The following GRK4 variants were observed in gnomAD, a reference collection of about 807,000 sequenced individuals.
The protein encoded by GRK4 is G protein-coupled receptor kinase 2-like.
GRK4 carries 73 observed loss-of-function variants against 77.9 expected under a neutral mutation model. That is an observed-to-expected ratio of 0.94 (90% CI 0.78 to 1.14). The LOEUF (loss-of-function observed/expected upper bound fraction) is 1.14. Ranked by LOEUF, GRK4 falls within the 50% of genes most tolerant of loss-of-function variation. The pLI, the probability that GRK4 is intolerant of heterozygous loss-of-function variation, is 0.00. For missense variants in GRK4, 729 were observed against 700.2 expected (o/e 1.04, Z -0.46); for synonymous variants, 257 against 254.4 (o/e 1.01, Z -0.10).
chr4:3,013,624 C>T (rs765563753), intron 7 of GRK4, 64 bp from the exon 8 acceptor site: 312 of 1,549,036 alleles, frequency 2.0e-4, no homozygotes, highest in Non-Finnish European at 3.6e-5. Context: ...CAAAGAGCTT[C>T]CTTTGTGTGG....
chr4:3,007,796 T>C lies in GRK4; in HGVS notation c.504T>C (p.Phe168=). The C allele has an allele frequency of 6.2e-7, 1 of 1,612,104 alleles. No individual in the cohort carries two copies. The highest frequency in any genetic ancestry group is 1.3e-5 in the African/African-American group (1 of 75,018). ...AAGAATACCAAGAAAGCTCATATTT[T>C]TCTCAGTTTTTACAATGGAAATGGC... is the stretch of plus-strand genomic sequence containing the variant. The part of the protein sequence containing the change: ...PFEEYQESSY[F]SQFLQWKWLE... Residue 168 remains phenylalanine, a synonymous_variant, in exon 6 of 16, where the codon TTT becomes TTC. Transcript: ENST00000398052.
chr4:3,011,277 T>A (rs1416382779), intron 7 of GRK4, among the ~76,000 whole-genome samples: 3 of 152,172 alleles, frequency 2.0e-5, no homozygotes, highest in Non-Finnish European at 4.4e-5. Flanking sequence ...TTAGCAAATT[T>A]TAGCTATTGT....
chr4:3,039,835 A>G (rs1056572681), intron 15 of GRK4, among the ~76,000 whole-genome samples: 5 of 152,058 alleles, frequency 3.3e-5, no homozygotes, highest in African/African-American at 1.2e-4. Context: ...CCTGACCCTC[A>G]GTGTGTAGCC....
intron 4 of GRK4, among the ~76,000 whole-genome samples, chr4:2,998,284 G>A (rs1268877881): frequency 6.6e-6 from 1 of 152,022 alleles, no homozygotes; most frequent in African/African-American, 2.4e-5. Context: ...TTGAACCCGG[G>A]AGGAGGAGGT....
chr4:3,023,193 G>T (rs1736546911), intron 10 of GRK4, among the ~76,000 whole-genome samples: 1 of 152,202 alleles, frequency 6.6e-6, no homozygotes, highest in African/African-American at 2.4e-5. Context: ...ATAGTGGACA[G>T]GGAGTGGCCC....
In GRK4 at chr4:3,007,798, C is replaced by G. The variant is rs376458817; in HGVS notation, c.506C>G (p.Ser169Cys). 1.7e-5 allele frequency: 28 copies of G among 1,611,710 alleles called. No individual in the cohort carries two copies. Among genetic ancestry groups the G allele is most frequent in the Non-Finnish European group, 2.3e-5 (27 of 1,178,948 alleles). ...GAATACCAAGAAAGCTCATATTTTT[C>G]TCAGTTTTTACAATGGAAATGGCTG... is the stretch of plus-strand genomic sequence containing the variant. Reference protein sequence around the residue: ...FEEYQESSYFSQFLQWKWLER... With the variant: ...FEEYQESSYFCQFLQWKWLER... The change falls in exon 6 of 16, where the codon TCT (serine) becomes TGT (cysteine). Residue 169 changes from serine (S) to cysteine (C), a missense_variant. Transcript: ENST00000398052.
At chr4:3,024,063 G>C (rs1560480776) in intron 10 of GRK4, among the ~76,000 whole-genome samples, 1 of 152,248 alleles carries the variant, frequency 6.6e-6, no homozygotes, top group South Asian at 2.1e-4. Context: ...TTTGAGCTGA[G>C]CTGTCTTTCC....
At chr4:2,996,581 G>C (rs1727993687) in intron 4 of GRK4, among the ~76,000 whole-genome samples, 1 of 152,078 alleles carries the variant, frequency 6.6e-6, no homozygotes, top group South Asian at 2.1e-4. Flanking sequence ...CCTCTTAATG[G>C]TCCTACCTCC....
rs2071691 is a variant in GRK4 at position 3,037,071 on chromosome 4, A to G, written c.1408-303A>G. ...TGTGTGTGTGTGTGTGTGTGTGTGT[A>G]TGTGTGTGTGTATGTGTGTGTGTGT... On this transcript the variant is annotated intron_variant, in intron 13 of 15. Coordinates refer to ENST00000398052, the MANE Select transcript of GRK4 (RefSeq NM_182982.3). Among the ~76,000 whole-genome samples the G allele has an allele frequency of 9.7e-3, 722 of 74,328 alleles. 2 individuals are homozygous for G. The highest frequency in any genetic ancestry group is 0.024 in the African/African-American group (405 of 17,076). The allele number at this position is 74,328 out of a possible 152,430, so 48.8% of individuals were successfully genotyped here.
At chr4:2,965,555 C>T (rs1452293498) in intron 1 of GRK4, 2 of 669,126 alleles carry the variant, frequency 3.0e-6, no homozygotes, top group Non-Finnish European at 5.5e-6. Context: ...ATTTAAAGGA[C>T]AGTCTGGAGC....
chr4:3,019,758 C>T lies in GRK4; in HGVS notation c.859C>T (p.Gln287Ter), dbSNP rs1735557806. The T allele has an allele frequency of 1.2e-6, 2 of 1,614,126 alleles. No individual in the cohort carries two copies. The highest frequency in any genetic ancestry group is 1.1e-5 in the South Asian group (1 of 91,082). The change falls in exon 9 of 16, where the codon CAG (glutamine) becomes TAG (stop). Residue 287 changes from glutamine to a stop codon, truncating the protein, a stop_gained. Transcript: ENST00000398052. LOFTEE classifies it high-confidence loss of function. ...CCTGGGCAATCCCGGCTTTGATGAG[C>T]AGAGAGCCGTTTTCTATGCTGCAGA... ...YNLGNPGFDE[Q>*]RAVFYAAELC...
At chr4:2,999,595 G>A (rs887077382) in intron 4 of GRK4, among the ~76,000 whole-genome samples, 1 of 152,090 alleles carries the variant, frequency 6.6e-6, no homozygotes, top group African/African-American at 2.4e-5. Flanking sequence ...AGAATCACAC[G>A]GAAGCCCTAC....
intron 12 of GRK4, among the ~76,000 whole-genome samples, chr4:3,033,327 G>T (rs1025905273): frequency 1.3e-5 from 2 of 152,190 alleles, no homozygotes; most frequent in African/African-American, 4.8e-5. Context: ...TTTTCTAATG[G>T]CAGGAATCCC....
intron 11 of GRK4, 139 bp downstream of exon 11, chr4:3,028,140 C>G (rs933855906): frequency 1.4e-6 from 1 of 712,910 alleles, no homozygotes; most frequent in African/African-American, 1.8e-5. Context: ...TTTTGAATCT[C>G]TAACCTGTCA....
chr4:3,019,976 A>G (rs945356953), intron 9 of GRK4, 145 bp downstream of exon 9: 2 of 747,022 alleles, frequency 2.7e-6, no homozygotes, highest in Admixed American at 5.9e-5. Context: ...AGGGTTGGTC[A>G]CTTACACTAT....
At chr4:2,978,606 G>A (rs1243283726) in intron 1 of GRK4, among the ~76,000 whole-genome samples, 1 of 152,156 alleles carries the variant, frequency 6.6e-6, no homozygotes, top group Non-Finnish European at 1.5e-5. Context: ...CCACTAGGGG[G>A]CAGGTGTTCT....
intron 1 of GRK4, among the ~76,000 whole-genome samples, chr4:2,968,910 A>G (rs1718593501): frequency 6.6e-6 from 1 of 152,086 alleles, no homozygotes; most frequent in South Asian, 2.1e-4. Flanking sequence ...GAGAGCACCA[A>G]TTGGCTGGCT....
At chr4:2,994,851 G>C (rs926582743) in intron 4 of GRK4, among the ~76,000 whole-genome samples, 1 of 152,000 alleles carries the variant, frequency 6.6e-6, no homozygotes, top group Non-Finnish European at 1.5e-5. Context: ...TGCATCATGG[G>C]GTTTGTTGTA....
At chr4:3,012,374 C>A (rs546899298) in intron 7 of GRK4, among the ~76,000 whole-genome samples, 1 of 152,250 alleles carries the variant, frequency 6.6e-6, no homozygotes, top group Non-Finnish European at 1.5e-5. Flanking sequence ...GTGGTGGGAA[C>A]AGGGTATGTA....
Sources: allele counts gnomAD v4.1 joint callset (sites outside exome capture counted in the v4.1 genomes callset), GRCh38; gene constraint gnomAD v4.1.1; transcripts MANE v1.5; gene names NCBI Gene and HGNC (gene_info 2026-07-23, HGNC 2026-07-21).